The following GOLGA1 variants were observed in gnomAD, a reference collection of about 807,000 sequenced individuals.
GOLGA1 encodes the protein golgin subfamily A member 1.
A neutral mutation model predicts 119.7 loss-of-function variants in GOLGA1; 63 were observed. The observed-to-expected ratio is 0.53, with a 90% CI of 0.43 to 0.65. GOLGA1 has a LOEUF of 0.65. Ranked by LOEUF, GOLGA1 falls within the 30% of genes least tolerant of loss-of-function variation. The probability of loss-of-function intolerance (pLI) is 0.00; values close to 1 mark genes in which losing one functional copy is unlikely to be tolerated. For missense variants in GOLGA1, 798 were observed against 912.8 expected (o/e 0.87, Z 1.62); for synonymous variants, 318 against 333.4 (o/e 0.95, Z 0.50).
rs2131559971 is a variant in GOLGA1 at position 124,946,109 on chromosome 9, C to T, written c.-156+1809G>A. On this transcript the variant is annotated intron_variant, in intron 1 of 4. Transcript: ENST00000421514. This position sits in a 1 kb window ranked among gnomAD's most constrained non-coding sequence, Gnocchi z 4.0. Reference sequence around the variant, plus strand: ...ACTACTGTCCTCAAATTAATATCCACAAGGAGCCTGAGTCAGTTCCATGAA... The same window carrying T: ...ACTACTGTCCTCAAATTAATATCCATAAGGAGCCTGAGTCAGTTCCATGAA... 1 of 152,298 alleles carries T rather than the reference C, an allele frequency of 6.6e-6. No homozygotes were observed. Among genetic ancestry groups the T allele is most frequent in the Non-Finnish European group, 1.5e-5 (1 of 68,026 alleles). The allele number at this position is 152,298 out of a possible 1,614,324, so 9.4% of individuals were successfully genotyped here.
At chr9:124,906,410 G>A (rs531978397) in intron 12 of GOLGA1, among the ~76,000 whole-genome samples, 20 of 151,498 alleles carry the variant, frequency 1.3e-4, no homozygotes, top group African/African-American at 2.7e-4. Context: ...CAGCCTGGGC[G>A]ACAGAGTGAG....
Position 124,926,708 on chromosome 9 carries a change from C to A in GOLGA1, c.432+1G>T, listed in dbSNP as rs762324481. ...TGAGACAAAAATAAAGATGAACTAA[C>A]CTTTTCAAGCTGATCCATCTTTTCT... On this transcript the variant is annotated splice_donor_variant, in intron 7 of 22. Coordinates refer to ENST00000373555, the MANE Select transcript of GOLGA1 (RefSeq NM_002077.4). LOFTEE classifies it high-confidence loss of function. The A allele has an allele frequency of 4.4e-6, 7 of 1,579,236 alleles. No individual in the cohort carries two copies. The highest frequency in any genetic ancestry group is 2.7e-5 in the African/African-American group (2 of 74,164).
rs781533517 is a variant in GOLGA1, at chr9:124,946,641, T to C, written c.-156+1277A>G. 4 of 152,178 alleles carry C rather than the reference T, an allele frequency of 2.6e-5. No individual in the cohort carries two copies. The highest frequency in any genetic ancestry group is 4.4e-5 in the Non-Finnish European group (3 of 68,026). The allele number at this position is 152,178 out of a possible 1,614,324, so 9.4% of individuals were successfully genotyped here. A position where few individuals can be genotyped will look rare whatever the true frequency, so the allele number is the denominator to read the frequency against. On this transcript the variant is annotated intron_variant, in intron 1 of 4. Transcript: ENST00000421514. This position sits in a 1 kb window ranked among gnomAD's most constrained non-coding sequence, Gnocchi z 4.0. ...TTGATACTTGGCAACATTCTATAGG[T>C]TCACAAATTGGCATTGCACGTATTT...
intron 12 of GOLGA1, among the ~76,000 whole-genome samples, chr9:124,902,124 A>ATTC (rs1830119622): frequency 6.6e-6 from 1 of 151,826 alleles, no homozygotes; most frequent in Non-Finnish European, 1.5e-5. Context: ...TATTATTATT[A>ATTC]TTTTTGAGAT....
chr9:124,889,512 C>G lies in GOLGA1; in HGVS notation c.1522G>C (p.Asp508His). Reference protein sequence around the residue: ...QQAANLTAIIDEKEQNLREKT... With the variant: ...QQAANLTAIIHEKEQNLREKT... Reference sequence around the variant, plus strand: ...TCCCGCAGATTCTGTTCCTTCTCGTCTATTATGGCTGTCAGGTTAGCTGCC... The same window carrying G: ...TCCCGCAGATTCTGTTCCTTCTCGTGTATTATGGCTGTCAGGTTAGCTGCC... Residue 508 changes from aspartate to histidine, a missense_variant, in exon 17 of 23, where the codon GAC becomes CAC. Physicochemically the swap from Asp to His is moderately conservative, Grantham distance 81. Coordinates refer to ENST00000373555, the MANE Select transcript of GOLGA1 (RefSeq NM_002077.4). 4 of 1,613,422 alleles carry G rather than the reference C, an allele frequency of 2.5e-6. No homozygotes were observed. The highest frequency in any genetic ancestry group is 3.4e-6 in the Non-Finnish European group (4 of 1,179,338).
chr9:124,929,410 T>C, intron 4 of GOLGA1, 120 bp from the exon 5 acceptor site: 1 of 704,520 alleles, frequency 1.4e-6, no homozygotes, highest in Non-Finnish European at 2.6e-6. Flanking sequence ...CCATTCCTGT[T>C]AAGGAAAGCT....
intron 19 of GOLGA1, among the ~76,000 whole-genome samples, chr9:124,884,294 G>A (rs1174426137): frequency 6.6e-6 from 1 of 152,174 alleles, no homozygotes; most frequent in Non-Finnish European, 1.5e-5. Flanking sequence ...TTACAGGCAT[G>A]AGCCACCACG....
chr9:124,908,462 G>C lies in GOLGA1; in HGVS notation c.980C>G (p.Ala327Gly), dbSNP rs779406119. 3 of 1,592,436 alleles carry C rather than the reference G, an allele frequency of 1.9e-6. No individual in the cohort carries two copies. The highest frequency in any genetic ancestry group is 4.5e-5 in the East Asian group (2 of 44,786). ...LQELLKEKTL[A>G]EQNLEDTRQQ... ...TCTGGTATCCTCCAAATTCTGCTCA[G>C]CAAGTGTTTTCTGTAAGTTGAAAGA... is the stretch of plus-strand genomic sequence containing the variant. Residue 327 changes from alanine to glycine, a missense_variant, in exon 12 of 23, where the codon GCT (alanine) becomes GGT (glycine). Physicochemically the swap from Ala to Gly is moderately conservative, Grantham distance 60. Coordinates refer to ENST00000373555, the MANE Select transcript of GOLGA1 (RefSeq NM_002077.4).
intron 11 of GOLGA1, 83 bp from the exon 12 acceptor site, chr9:124,908,555 C>A: frequency 1.2e-6 from 1 of 815,364 alleles, no homozygotes; most frequent in Non-Finnish European, 2.2e-6. Context: ...CATATTGTGA[C>A]TTGTGCTAGG....
intron 7 of GOLGA1, among the ~76,000 whole-genome samples, chr9:124,926,028 C>T (rs1309309954): frequency 6.6e-6 from 1 of 152,140 alleles, no homozygotes; most frequent in Admixed American, 6.6e-5. Context: ...TTCCCCACTG[C>T]TTCATCTTTA....
chr9:124,917,578 T>C (rs1387683617), intron 10 of GOLGA1, among the ~76,000 whole-genome samples: 2 of 152,190 alleles, frequency 1.3e-5, no homozygotes, highest in Non-Finnish European at 2.9e-5. Flanking sequence ...CTCCATCATC[T>C]TACGGTCGAA....
At chr9:124,885,995 G>A (rs911951783) in intron 19 of GOLGA1, among the ~76,000 whole-genome samples, 3 of 152,228 alleles carry the variant, frequency 2.0e-5, no homozygotes, top group African/African-American at 7.2e-5. Context: ...GAAGGAATCT[G>A]CTAACAGCCT....
At position 124,908,421 on chromosome 9, in the gene GOLGA1, C is replaced by T. The variant is rs772902845; in HGVS notation, c.1021G>A (p.Ala341Thr). Residue 341 changes from alanine to threonine, a missense_variant, in exon 12 of 23, where the codon GCC (alanine) becomes ACC (threonine). By Grantham distance (58) the Ala-to-Thr change is moderately conservative. Coordinates refer to ENST00000373555, the MANE Select transcript of GOLGA1 (RefSeq NM_002077.4). Reference protein sequence around the residue: ...LEDTRQQLLAARSSQAKAINT... With the variant: ...LEDTRQQLLATRSSQAKAINT... ...ATGGCCTTAGCCTGGCTGCTTCTGG[C>T]TGCCAAGAGCTGTTGTCTGGTATCC... is the stretch of plus-strand genomic sequence containing the variant. The T allele has an allele frequency of 1.2e-6, 2 of 1,611,652 alleles. No homozygotes were observed. Among genetic ancestry groups the T allele is most frequent in the Non-Finnish European group, 1.7e-6 (2 of 1,177,694 alleles).
chr9:124,890,581 G>A (rs529318977), intron 15 of GOLGA1, 103 bp from the exon 16 acceptor site: 3 of 854,022 alleles, frequency 3.5e-6, no homozygotes, highest in Non-Finnish European at 5.9e-6. Flanking sequence ...TGCAGAGCCA[G>A]ACCAACATGC....
At chr9:124,933,370 A>T (rs1462965264) in intron 3 of GOLGA1, among the ~76,000 whole-genome samples, 2 of 152,170 alleles carry the variant, frequency 1.3e-5, no homozygotes, top group Non-Finnish European at 2.9e-5. Flanking sequence ...TTGTGCAAAA[A>T]TATGGGTTTA....
chr9:124,933,474 G>A (rs1453401362), intron 3 of GOLGA1, among the ~76,000 whole-genome samples: 1 of 152,256 alleles, frequency 6.6e-6, no homozygotes, highest in Non-Finnish European at 1.5e-5. Flanking sequence ...AGGCTGGAGT[G>A]CAGTGGTACA....
At chr9:124,903,302 A>G (rs1830148410) in intron 12 of GOLGA1, among the ~76,000 whole-genome samples, 1 of 152,178 alleles carries the variant, frequency 6.6e-6, no homozygotes, top group Non-Finnish European at 1.5e-5. Flanking sequence ...AGCCTGGCCA[A>G]CATGGCAAAA....
In GOLGA1 at chr9:124,889,520, G is replaced by A; in HGVS notation, c.1514C>T (p.Ala505Val). The change falls in exon 17 of 23, where the codon GCC (alanine) becomes GTC (valine). Residue 505 changes from alanine to valine, a missense_variant. Physicochemically the swap from Ala to Val is moderately conservative, Grantham distance 64. Coordinates refer to ENST00000373555, the MANE Select transcript of GOLGA1 (RefSeq NM_002077.4). Reference protein sequence around the residue: ...EFQQQAANLTAIIDEKEQNLR... With the variant: ...EFQQQAANLTVIIDEKEQNLR... Reference sequence around the variant, plus strand: ...ATTCTGTTCCTTCTCGTCTATTATGGCTGTCAGGTTAGCTGCCTTGGAGAG... The same window carrying A: ...ATTCTGTTCCTTCTCGTCTATTATGACTGTCAGGTTAGCTGCCTTGGAGAG... 2 of 1,612,150 alleles carry A rather than the reference G, an allele frequency of 1.2e-6. No individual in the cohort carries two copies. The highest frequency in any genetic ancestry group is 1.7e-6 in the Non-Finnish European group (2 of 1,178,158).
In GOLGA1 at chr9:124,928,282, G is replaced by C. The variant is rs1830710034; in HGVS notation, c.305C>G (p.Ser102Cys). Residue 102 changes from serine to cysteine, a missense_variant, in exon 6 of 23, where the codon TCC (serine) becomes TGC (cysteine). Transcript: ENST00000373555. ...EIALEKHQDS[S>C]MRKFQEQNET... ...ATTCTGCTCTTGAAATTTCCGCATG[G>C]AAGCTGTTAACAAAGAGGCTCTATT... The C allele has an allele frequency of 6.4e-7, 1 of 1,574,800 alleles. No homozygotes were observed. The highest frequency in any genetic ancestry group is 1.7e-4 in the Middle Eastern group (1 of 5,988).
Sources: allele counts gnomAD v4.1 joint callset (sites outside exome capture counted in the v4.1 genomes callset), GRCh38; gene constraint gnomAD v4.1.1; non-coding constraint Gnocchi (gnomAD v3.1); transcripts MANE v1.5; gene names NCBI Gene and HGNC (gene_info 2026-07-23, HGNC 2026-07-21).